Variants in LOXHD1 observed in about 807,000 individuals in gnomAD.
The protein encoded by LOXHD1 is lipoxygenase homology PLAT domains 1, also known as lipoxygenase homology domain-containing protein 1.
A neutral mutation model predicts 248.2 loss-of-function variants in LOXHD1; 205 were observed. The ratio of observed to expected loss-of-function variants is 0.83; its 90% CI spans 0.74 to 0.93. The LOEUF is 0.93. Ranked by LOEUF, LOXHD1 falls within the 40% of genes least tolerant of loss-of-function variation. The pLI, the probability that LOXHD1 is intolerant of heterozygous loss-of-function variation, is 0.00. For synonymous variants in LOXHD1, 1,113 were observed against 1,162.8 expected, an observed-to-expected ratio of 0.96 and a Z score of 0.87; for missense variants, 2,930 against 2,971.6, an observed-to-expected ratio of 0.99 and a Z score of 0.33.
At chr18:46,526,390 G>A (rs1210245035) in intron 29 of LOXHD1, among the ~76,000 whole-genome samples, 1 of 152,206 alleles carries the variant, frequency 6.6e-6, no homozygotes, top group African/African-American at 2.4e-5. Flanking sequence ...TTCCAAGGCA[G>A]CCATGCACGC....
chr18:46,571,949 G>A (rs1185948067), intron 15 of LOXHD1, 137 bp downstream of exon 15: 9 of 731,900 alleles, frequency 1.2e-5, no homozygotes, highest in East Asian at 2.7e-5. Flanking sequence ...ACACTCCCTC[G>A]GAGCCTCCCT....
rs1401999281 is a variant in LOXHD1, at chr18:46,656,913, TGTA to T, written c.118_120del (p.Tyr40del). On this transcript the variant is annotated inframe_deletion, in exon 1 of 41. Coordinates refer to ENST00000642948, the MANE Select transcript of LOXHD1 (RefSeq NM_001384474.1). ...GGCTGGGACCCCGCACCTCTGGCCTTGTAGTACTCGTGTTCCAGCTCCCCCTCG... is the reference window on the plus strand; with the variant it reads ...GGCTGGGACCCCGCACCTCTGGCCTTGTACTCGTGTTCCAGCTCCCCCTCG... 4.5e-6 allele frequency: 7 copies of T among 1,551,544 alleles called. No individual in the cohort carries two copies. The South Asian group carries it at 8.3e-5, about 18-fold the overall frequency.
chr18:46,567,201 CATCAGATGGAATT>C (rs2037660616), intron 16 of LOXHD1, among the ~76,000 whole-genome samples: 1 of 152,190 alleles, frequency 6.6e-6, no homozygotes, highest in Non-Finnish European at 1.5e-5. Flanking sequence ...GCAATTTTAA[CATCAGATGGAATT>C]ATCAGATGGC....
At chr18:46,511,004 T>C (rs1166615332) in intron 34 of LOXHD1, among the ~76,000 whole-genome samples, 1 of 152,218 alleles carries the variant, frequency 6.6e-6, no homozygotes, top group East Asian at 1.9e-4. Context: ...TCAAAAGAGC[T>C]TTAGAATTCT....
chr18:46,541,807 A>G lies in LOXHD1; in HGVS notation c.3882T>C (p.His1294=), dbSNP rs755329131. The change falls in exon 25 of 41, where the codon CAT becomes CAC. Residue 1294 remains histidine (H), a synonymous_variant. Transcript: ENST00000642948. The part of the protein sequence containing the change: ...DDGSIIRDLF[H]AELQTRLYTP... ...TGTACAGCCTCGTCTGAAGCTCTGC[A>G]TGGAAGAGGTCTCTGATGATGGACC... 1 of 1,551,702 alleles carries G rather than the reference A, an allele frequency of 6.4e-7. No individual in the cohort carries two copies. Among genetic ancestry groups the G allele is most frequent in the Non-Finnish European group, 8.7e-7 (1 of 1,146,990 alleles).
In LOXHD1 at chr18:46,509,748, G is replaced by A. The variant is rs759919888; in HGVS notation, c.5467C>T (p.Arg1823Trp). 5.8e-6 allele frequency: 9 copies of A among 1,551,388 alleles called. No individual in the cohort carries two copies. Among genetic ancestry groups the A allele is most frequent in the African/African-American group, 1.4e-5 (1 of 72,986 alleles). ...ILDIAPFTKM[R>W]IRIDGLGSRP... ...CTGCCCAGGCCATCAATCCGGATCC[G>A]CATCTTGGTGAATGGAGCAATGTCT... The change falls in exon 35 of 41, where the codon CGG becomes TGG. Residue 1823 changes from arginine to tryptophan, a missense_variant. Physicochemically the swap from Arg to Trp is moderately radical, Grantham distance 101. Transcript: ENST00000642948.
intron 14 of LOXHD1, among the ~76,000 whole-genome samples, chr18:46,575,827 C>A (rs146023460): frequency 6.6e-6 from 1 of 152,194 alleles, no homozygotes; most frequent in Non-Finnish European, 1.5e-5. Context: ...AAATCTCCTA[C>A]TGCTCTCCCC....
chr18:46,502,467 T>C (rs941984658), intron 37 of LOXHD1, among the ~76,000 whole-genome samples: 3 of 152,132 alleles, frequency 2.0e-5, no homozygotes, highest in Non-Finnish European at 4.4e-5. Flanking sequence ...CTACCTTTTA[T>C]TGATGTGAAT....
chr18:46,510,038 A>C (rs2034864208), intron 34 of LOXHD1, among the ~76,000 whole-genome samples: 1 of 152,226 alleles, frequency 6.6e-6, no homozygotes, highest in South Asian at 2.1e-4. Context: ...GCCCCGAACC[A>C]AGAGGTATCA....
Position 46,545,435 on chromosome 18 carries a change from A to T in LOXHD1, c.3515-14T>A, listed in dbSNP as rs1444390806. ...TGGTAGATTTATCTGCCAAGAGAAT[A>T]GTATAGAGCAATGAATTGTAGACTG... On this transcript the variant is annotated splice_polypyrimidine_tract_variant and intron_variant, in intron 22 of 40. Transcript: ENST00000642948. 2 of 1,526,790 alleles carry T rather than the reference A, an allele frequency of 1.3e-6. No individual in the cohort carries two copies. The highest frequency in any genetic ancestry group is 3.9e-5 in the Admixed American group (2 of 50,974). 94.6% of individuals were successfully genotyped at this position (1,526,790 alleles called of 1,614,324 possible). A position where few individuals can be genotyped will look rare whatever the true frequency, so the allele number is the denominator to read the frequency against.
Position 46,559,691 on chromosome 18 carries a change from C to T in LOXHD1, c.3062-89G>A, listed in dbSNP as rs552282431. On this transcript the variant is annotated intron_variant, in intron 19 of 40. Coordinates refer to ENST00000642948, the MANE Select transcript of LOXHD1 (RefSeq NM_001384474.1). ...ACAGCCTCTCAGATCCAGCCAGATC[C>T]TAGAACAGAGGGATCTTCAGATGCA... 2.7e-5 allele frequency: 38 copies of T among 1,399,716 alleles called. 1 individual carries two copies. In the African/African-American group the frequency reaches 4.7e-4, roughly 17 times the overall value. The allele number at this position is 1,399,716 out of a possible 1,614,324, so 86.7% of individuals were successfully genotyped here.
chr18:46,579,886 G>A, intron 12 of LOXHD1, 102 bp from the exon 13 acceptor site: 3 of 1,373,762 alleles, frequency 2.2e-6, no homozygotes, highest in South Asian at 1.4e-5. Context: ...TCTCCTTCTA[G>A]TTCTCATCTG....
chr18:46,480,642 AG>A (rs1338257516), intron 40 of LOXHD1, among the ~76,000 whole-genome samples: 3 of 152,184 alleles, frequency 2.0e-5, no homozygotes, highest in Non-Finnish European at 4.4e-5. Flanking sequence ...CCTGCTAGAA[AG>A]GGGGGAAGGT....
chr18:46,602,815 T>C (rs1194291311), intron 7 of LOXHD1, among the ~76,000 whole-genome samples: 1 of 152,186 alleles, frequency 6.6e-6, no homozygotes, highest in East Asian at 1.9e-4. Context: ...TTTATTTCTC[T>C]AAGATGCATG....
intron 40 of LOXHD1, among the ~76,000 whole-genome samples, chr18:46,478,861 T>C (rs2143450368): frequency 6.6e-6 from 1 of 152,240 alleles, no homozygotes; most frequent in East Asian, 1.9e-4. Flanking sequence ...TCCAGCTAAT[T>C]TAAAAAAATA....
chr18:46,516,678 C>T (rs1224746195), intron 34 of LOXHD1, among the ~76,000 whole-genome samples: 1 of 152,116 alleles, frequency 6.6e-6, no homozygotes, highest in Non-Finnish European at 1.5e-5. Context: ...TCACAATTAT[C>T]ATCCCTACCA....
At chr18:46,517,460 T>C (rs559059569) in intron 34 of LOXHD1, among the ~76,000 whole-genome samples, 238 of 152,240 alleles carry the variant, frequency 1.6e-3, no homozygotes, top group African/African-American at 5.6e-3. Flanking sequence ...GGGTTATTAT[T>C]ATAGGGTTGA....
intron 7 of LOXHD1, among the ~76,000 whole-genome samples, chr18:46,603,677 G>A (rs1000541883): frequency 6.6e-6 from 1 of 152,172 alleles, no homozygotes; most frequent in Admixed American, 6.5e-5. Flanking sequence ...CCTCATCTGT[G>A]TGATGGGAAC....
At chr18:46,613,815 T>C (rs2038543684) in intron 5 of LOXHD1, among the ~76,000 whole-genome samples, 1 of 152,232 alleles carries the variant, frequency 6.6e-6, no homozygotes, top group Non-Finnish European at 1.5e-5. Context: ...AATCCGTTAC[T>C]ATAATAAATT....
Sources: gnomAD v4.1 joint callset for allele counts (sites outside exome capture counted in the v4.1 genomes callset) on GRCh38, gnomAD v4.1.1 for gene constraint, MANE v1.5 for transcripts, NCBI Gene and HGNC (gene_info 2026-07-23, HGNC 2026-07-21) for gene names.